The following PRTFDC1 variants were observed in gnomAD, a reference collection of about 807,000 sequenced individuals.
PRTFDC1 encodes phosphoribosyl transferase domain containing 1, also known as phosphoribosyltransferase domain-containing protein 1.
A neutral mutation model predicts 34.6 loss-of-function variants in PRTFDC1; 38 were observed. That is an observed-to-expected ratio of 1.10 (90% confidence interval 0.85 to 1.44). The LOEUF (loss-of-function observed/expected upper bound fraction) is 1.44, where lower values mean the gene tolerates loss of function less well. Among genes scored for constraint, PRTFDC1 ranks in the 40% most tolerant of loss-of-function variants. The pLI, the probability that PRTFDC1 is intolerant of heterozygous loss-of-function variation, is 0.00. For missense variants in PRTFDC1, 270 were observed against 283.0 expected, an observed-to-expected ratio of 0.95 and a Z score of 0.33; for synonymous variants, 93 against 98.1, an observed-to-expected ratio of 0.95 and a Z score of 0.31.
At chr10:24,939,174 G>T (rs766972075) in intron 2 of PRTFDC1, among the ~76,000 whole-genome samples, 2 of 151,618 alleles carry the variant, frequency 1.3e-5, no homozygotes, top group African/African-American at 4.8e-5. Context: ...GGTGGTCTGC[G>T]CCTGTAATCC....
intron 7 of PRTFDC1, 45 bp from the exon 8 acceptor site, chr10:24,851,509 G>T: frequency 1.3e-6 from 2 of 1,584,676 alleles, no homozygotes; most frequent in Admixed American, 1.8e-5. Flanking sequence ...ACAAAATTTA[G>T]ATTATATAAA....
rs193078848 is a variant in PRTFDC1 at position 24,905,885 on chromosome 10, G to A, written c.339+31299C>T. Among the ~76,000 whole-genome samples, 17 of 151,622 alleles carry A rather than the reference G, an allele frequency of 1.1e-4. No homozygotes were observed. The East Asian group carries it at 1.7e-3, about 16-fold the overall frequency. ...TTTTTTGTACCCATTTGCAATCCCC[G>A]CTCCCTCCTCTCACCACTCCCCTTC... On this transcript the variant is annotated intron_variant, in intron 3 of 8. Coordinates refer to ENST00000320152, the MANE Select transcript of PRTFDC1 (RefSeq NM_020200.7).
At chr10:24,880,256 CT>C (rs567139175) in intron 3 of PRTFDC1, among the ~76,000 whole-genome samples, 89 of 139,022 alleles carry the variant, frequency 6.4e-4, no homozygotes, top group Admixed American at 9.3e-4. Flanking sequence ...TCTTTTTTTT[CT>C]TTTTTTTTTT....
chr10:24,889,264 C>T (rs796129680), intron 3 of PRTFDC1, among the ~76,000 whole-genome samples: 6 of 152,198 alleles, frequency 3.9e-5, no homozygotes, highest in South Asian at 2.1e-4. Context: ...ACCTAGAACA[C>T]GCCCGATCTC....
intron 3 of PRTFDC1, among the ~76,000 whole-genome samples, chr10:24,934,348 A>G (rs1421163077): frequency 6.6e-6 from 1 of 152,318 alleles, no homozygotes; most frequent in East Asian, 1.9e-4. Context: ...GCTGTGGGGA[A>G]TGAACCCCTC....
At position 24,942,331 on chromosome 10, in the gene PRTFDC1, T is replaced by C; in HGVS notation, c.154A>G (p.Arg52Gly). Residue 52 changes from arginine (R) to glycine (G), a missense_variant and splice_region_variant, in exon 2 of 9, where the codon AGA becomes GGA. Transcript: ENST00000320152. ...VLIPHGIIVD[R>G]IERLAKDIMK... Reference sequence around the variant, plus strand: ...ATTGACACAGGAAATCACACTCACCTGTCCACAATGATACCATGAGGGATG... The same window carrying C: ...ATTGACACAGGAAATCACACTCACCCGTCCACAATGATACCATGAGGGATG... 6.2e-7 allele frequency: 1 copy of C among 1,606,830 alleles called. No individual in the cohort carries two copies. Among genetic ancestry groups the C allele is most frequent in the Non-Finnish European group, 8.5e-7 (1 of 1,173,348 alleles).
At chr10:24,898,167 G>A (rs1187594460) in intron 3 of PRTFDC1, among the ~76,000 whole-genome samples, 2 of 151,506 alleles carry the variant, frequency 1.3e-5, no homozygotes, top group Non-Finnish European at 2.9e-5. Flanking sequence ...AAGAAGAGCT[G>A]AGGCTGTGCG....
At chr10:24,904,295 A>G (rs979884748) in intron 3 of PRTFDC1, among the ~76,000 whole-genome samples, 3 of 149,360 alleles carry the variant, frequency 2.0e-5, no homozygotes, top group Admixed American at 1.3e-4. Context: ...CACACACACA[A>G]GGAATCTCAG....
At chr10:24,860,423 T>TA (rs1847660516) in intron 4 of PRTFDC1, among the ~76,000 whole-genome samples, 1 of 152,104 alleles carries the variant, frequency 6.6e-6, no homozygotes. Context: ...ACACATTCGA[T>TA]AACTTACTTA....
chr10:24,879,907 A>T (rs913020454), intron 3 of PRTFDC1, among the ~76,000 whole-genome samples: 1 of 152,162 alleles, frequency 6.6e-6, no homozygotes, highest in African/African-American at 2.4e-5. Flanking sequence ...GGAGAAACTC[A>T]TGCTTGCAAT....
In PRTFDC1 at chr10:24,949,735, A is replaced by AT. The variant is rs758571429; in HGVS notation, c.48+2792dup. On this transcript the variant is annotated intron_variant, in intron 1 of 8. Coordinates refer to ENST00000320152, the MANE Select transcript of PRTFDC1 (RefSeq NM_020200.7). ...TTTTTGTTTATTTATTTATTTATTT[A>AT]TTTATTTTTTTTTTTTTTTTTAAGA... 3.1e-3 allele frequency among the ~76,000 whole-genome samples: 434 copies of AT among 139,986 alleles called. 2 individuals are homozygous for AT. The highest frequency in any genetic ancestry group is 4.7e-3 in the Non-Finnish European group (298 of 63,876). The allele number at this position is 139,986 out of a possible 152,430, so 91.8% of individuals were successfully genotyped here. A position where few individuals can be genotyped will look rare whatever the true frequency, so the allele number is the denominator to read the frequency against.
intron 4 of PRTFDC1, among the ~76,000 whole-genome samples, chr10:24,864,732 C>A (rs1847745221): frequency 6.6e-6 from 1 of 152,098 alleles, no homozygotes; most frequent in Non-Finnish European, 1.5e-5. Context: ...TGATCTGAAA[C>A]CAAATCCACA....
intron 3 of PRTFDC1, among the ~76,000 whole-genome samples, chr10:24,931,457 G>C (rs1848970327): frequency 6.6e-6 from 1 of 151,584 alleles, no homozygotes; most frequent in Non-Finnish European, 1.5e-5. Flanking sequence ...TTCTTTGAAA[G>C]AATAAAAAAA....
intron 3 of PRTFDC1, among the ~76,000 whole-genome samples, chr10:24,886,367 A>C (rs2132532731): frequency 6.6e-6 from 1 of 152,318 alleles, no homozygotes; most frequent in South Asian, 2.1e-4. Flanking sequence ...CTGGTTAAGT[A>C]ACTTTGCCCA....
intron 2 of PRTFDC1, among the ~76,000 whole-genome samples, chr10:24,939,790 T>A (rs575636479): frequency 8.9e-5 from 5 of 56,088 alleles, no homozygotes; most frequent in South Asian, 8.3e-4. Flanking sequence ...TGAGACTCTA[T>A]CTCAAAAAAA....
chr10:24,942,174 A>G (rs1024654849), intron 2 of PRTFDC1, among the ~76,000 whole-genome samples, 156 bp downstream of exon 2: 6 of 152,192 alleles, frequency 3.9e-5, no homozygotes, highest in African/African-American at 1.4e-4. Context: ...TTAAGCATAC[A>G]TTCATTTTAT....
chr10:24,950,959 C>G (rs1279894571), intron 1 of PRTFDC1, among the ~76,000 whole-genome samples: 2 of 152,212 alleles, frequency 1.3e-5, no homozygotes, highest in Admixed American at 6.5e-5. Context: ...GCACTACAAA[C>G]TCAATTTGTC....
At chr10:24,858,551 T>C in intron 4 of PRTFDC1, 142 bp from the exon 5 acceptor site, 1 of 763,038 alleles carries the variant, frequency 1.3e-6, no homozygotes. Context: ...GGACTAGAGG[T>C]GATCTAGGTT....
intron 3 of PRTFDC1, among the ~76,000 whole-genome samples, chr10:24,909,628 C>T (rs980783695): frequency 1.4e-4 from 21 of 152,020 alleles, no homozygotes; most frequent in African/African-American, 3.1e-4. Flanking sequence ...TCCCCTTGTT[C>T]GAATAGTTAA....
Sources: gnomAD v4.1 joint callset for allele counts (sites outside exome capture counted in the v4.1 genomes callset) on GRCh38, gnomAD v4.1.1 for gene constraint, MANE v1.5 for transcripts, NCBI Gene and HGNC (gene_info 2026-07-23, HGNC 2026-07-21) for gene names.